The following SHC3 variants were observed in gnomAD, a reference collection of about 807,000 sequenced individuals.
SHC3 encodes the protein SHC adaptor protein 3.
In SHC3, 15 loss-of-function variants were observed where a neutral mutation model predicts 60.4. The observed-to-expected ratio is 0.25, with a 90% CI of 0.17 to 0.38. The LOEUF is 0.38. Ranked by LOEUF, SHC3 falls within the 10% of genes least tolerant of loss-of-function variation. SHC3 has a pLI of 1.00. For missense variants in SHC3, 677 were observed against 786.1 expected, an observed-to-expected ratio of 0.86 and a Z score of 1.66; for synonymous variants, 294 against 325.9, an observed-to-expected ratio of 0.90 and a Z score of 1.05.
chr9:89,011,235 T>C lies in SHC3; in HGVS notation c.*2212A>G, dbSNP rs1826010296. ...GATTCTCATGCAAAAAATATATATA[T>C]TTTCTATCACCATCGAACTAGACAC... On this transcript the variant is annotated 3_prime_UTR_variant, in exon 12 of 12. Coordinates refer to ENST00000375835, the MANE Select transcript of SHC3 (RefSeq NM_016848.6). 6.6e-6 allele frequency: 1 copy of C among 152,202 alleles called. No individual in the cohort carries two copies. Among genetic ancestry groups the C allele is most frequent in the Admixed American group, 6.5e-5 (1 of 15,282 alleles). The allele number at this position is 152,202 out of a possible 1,614,324, so 9.4% of individuals were successfully genotyped here. A position where few individuals can be genotyped will look rare whatever the true frequency, so the allele number is the denominator to read the frequency against.
rs576944416 is a variant in SHC3 at position 89,171,916 on chromosome 9, A to G, written c.474+6071T>C. 5.3e-5 allele frequency among the ~76,000 whole-genome samples: 8 copies of G among 152,358 alleles called. No individual in the cohort carries two copies. In the East Asian group the frequency reaches 1.3e-3, roughly 26 times the overall value. Reference sequence around the variant, plus strand: ...TGTCTGAGCCCAGAATCCATAGATCATAGAATCCATGGATCTAACTAAACT... The same window carrying G: ...TGTCTGAGCCCAGAATCCATAGATCGTAGAATCCATGGATCTAACTAAACT... On this transcript the variant is annotated intron_variant, in intron 1 of 11. Coordinates refer to ENST00000375835, the MANE Select transcript of SHC3 (RefSeq NM_016848.6).
Position 89,106,867 on chromosome 9 carries a change from A to G in SHC3, c.545+5689T>C, listed in dbSNP as rs548616609. 2.0e-5 allele frequency among the ~76,000 whole-genome samples: 3 copies of G among 152,236 alleles called. No homozygotes were observed. The South Asian group carries it at 6.2e-4, about 32-fold the overall frequency. On this transcript the variant is annotated intron_variant, in intron 2 of 11. Coordinates refer to ENST00000375835, the MANE Select transcript of SHC3 (RefSeq NM_016848.6). ...CTGTTTAACCTCACAAATGAAAAATAAACCTACTAGATGCATTATGGTTGA... is the reference window on the plus strand; with the variant it reads ...CTGTTTAACCTCACAAATGAAAAATGAACCTACTAGATGCATTATGGTTGA...
At chr9:89,115,351 C>G (rs1191294587) in intron 1 of SHC3, among the ~76,000 whole-genome samples, 1 of 152,074 alleles carries the variant, frequency 6.6e-6, no homozygotes, top group Non-Finnish European at 1.5e-5. Context: ...ATACCACCAA[C>G]AACAATGATG....
intron 1 of SHC3, among the ~76,000 whole-genome samples, chr9:89,158,199 C>T (rs1826653564): frequency 6.6e-6 from 1 of 151,752 alleles, no homozygotes; most frequent in Non-Finnish European, 1.5e-5. Context: ...CATGTTGTGG[C>T]TTCATTTTCA....
chr9:89,136,940 T>C (rs1486484568), intron 1 of SHC3, among the ~76,000 whole-genome samples: 2 of 152,148 alleles, frequency 1.3e-5, no homozygotes, highest in East Asian at 1.9e-4. Context: ...ACAGGAAGCA[T>C]AGTTGGGGAG....
rs545935393 is a variant in SHC3 at position 89,065,629 on chromosome 9, C to T, written c.784-49G>A. ...TATGTCACTAATCACAAGTGAGAGA[C>T]CACACAGTCAGGGACACAGGGCACA... is the stretch of plus-strand genomic sequence containing the variant. On this transcript the variant is annotated intron_variant, in intron 5 of 11. Coordinates refer to ENST00000375835, the MANE Select transcript of SHC3 (RefSeq NM_016848.6). The T allele has an allele frequency of 5.1e-5, 81 of 1,587,376 alleles. No individual in the cohort carries two copies. The South Asian group carries it at 8.5e-4, about 17-fold the overall frequency.
intron 1 of SHC3, among the ~76,000 whole-genome samples, chr9:89,159,479 G>A (rs1401635803): frequency 3.3e-5 from 5 of 152,236 alleles, no homozygotes; most frequent in African/African-American, 1.2e-4. Context: ...GGTAAGGAAG[G>A]AGCTCCGTTC....
intron 1 of SHC3, among the ~76,000 whole-genome samples, chr9:89,126,088 A>C (rs1826160446): frequency 6.6e-6 from 1 of 152,160 alleles, no homozygotes; most frequent in African/African-American, 2.4e-5. Flanking sequence ...CATGGAAGAG[A>C]CTATACTAAA....
intron 1 of SHC3, among the ~76,000 whole-genome samples, chr9:89,154,076 A>T (rs1280368547): frequency 6.6e-6 from 1 of 152,212 alleles, no homozygotes; most frequent in Non-Finnish European, 1.5e-5. Context: ...AAGCTAGTCC[A>T]ACCCTTGGCC....
chr9:89,044,972 C>A (rs182062299), intron 9 of SHC3, among the ~76,000 whole-genome samples: 14 of 152,286 alleles, frequency 9.2e-5, no homozygotes, highest in Admixed American at 4.6e-4. Flanking sequence ...CTTCACATCC[C>A]CCCTGAAGCT....
At chr9:89,126,245 G>A (rs1826163777) in intron 1 of SHC3, among the ~76,000 whole-genome samples, 1 of 152,078 alleles carries the variant, frequency 6.6e-6, no homozygotes, top group Admixed American at 6.5e-5. Context: ...AACAAAGTGG[G>A]TTAAAGGCCC....
At chr9:89,169,705 G>A (rs1826841190) in intron 1 of SHC3, among the ~76,000 whole-genome samples, 1 of 152,050 alleles carries the variant, frequency 6.6e-6, no homozygotes, top group Admixed American at 6.5e-5. Flanking sequence ...CAAGGCGGGG[G>A]TGGGGTGCAG....
chr9:89,134,293 G>A (rs1489527056), intron 1 of SHC3, among the ~76,000 whole-genome samples: 1 of 151,998 alleles, frequency 6.6e-6, no homozygotes, highest in Admixed American at 6.6e-5. Flanking sequence ...AAATATTAAA[G>A]GTTTGAACAA....
At chr9:89,078,270 T>C (rs1285230608) in intron 2 of SHC3, among the ~76,000 whole-genome samples, 2 of 152,168 alleles carry the variant, frequency 1.3e-5, no homozygotes, top group Non-Finnish European at 2.9e-5. Flanking sequence ...TCTATCTCCA[T>C]GGCTTTGGTC....
intron 2 of SHC3, 38 bp from the exon 3 acceptor site, chr9:89,077,941 A>G: frequency 1.2e-6 from 2 of 1,612,044 alleles, no homozygotes; most frequent in Non-Finnish European, 1.7e-6. Flanking sequence ...ATTACGTGTC[A>G]GTCGGGATTA....
At chr9:89,091,766 A>G (rs751993930) in intron 2 of SHC3, among the ~76,000 whole-genome samples, 2 of 152,158 alleles carry the variant, frequency 1.3e-5, no homozygotes, top group Non-Finnish European at 2.9e-5. Context: ...ATAACTCCCC[A>G]CTGCCTCATC....
chr9:89,023,151 C>T (rs1826233820), intron 11 of SHC3, among the ~76,000 whole-genome samples: 1 of 152,224 alleles, frequency 6.6e-6, no homozygotes, highest in Non-Finnish European at 1.5e-5. Context: ...AGCCTGGGGC[C>T]TCAGGCCCAC....
intron 10 of SHC3, among the ~76,000 whole-genome samples, chr9:89,039,739 C>G (rs1336319593): frequency 6.6e-6 from 1 of 152,036 alleles, no homozygotes; most frequent in East Asian, 1.9e-4. Flanking sequence ...ACAGCAGCAG[C>G]AGCAATAGCA....
At chr9:89,031,357 AG>A (rs1417734782) in intron 11 of SHC3, among the ~76,000 whole-genome samples, 1 of 152,184 alleles carries the variant, frequency 6.6e-6, no homozygotes, top group Non-Finnish European at 1.5e-5. Context: ...CACCATAAAA[AG>A]AAATGCCATA....
Sources: allele counts gnomAD v4.1 joint callset (sites outside exome capture counted in the v4.1 genomes callset), GRCh38; gene constraint gnomAD v4.1.1; transcripts MANE v1.5; gene names NCBI Gene and HGNC (gene_info 2026-07-23, HGNC 2026-07-21).